The following CDH17 variants were observed in gnomAD, a reference collection of about 807,000 sequenced individuals.
The protein encoded by CDH17 is cadherin-17.
CDH17 carries 67 observed loss-of-function variants against 86.3 expected under a neutral mutation model. The observed-to-expected ratio is 0.78, with a 90% CI of 0.64 to 0.95. CDH17 has a LOEUF of 0.95. Among genes scored for constraint, CDH17 ranks in the 40% least tolerant of loss-of-function variants. CDH17 has a pLI of 0.00. For missense variants in CDH17, 993 were observed against 1,017.6 expected, an observed-to-expected ratio of 0.98 and a Z score of 0.33; for synonymous variants, 367 against 366.4, an observed-to-expected ratio of 1.00 and a Z score of -0.02.
intron 1 of CDH17, among the ~76,000 whole-genome samples, chr8:94,205,023 T>C (rs1207842227): frequency 6.6e-6 from 1 of 152,190 alleles, no homozygotes; most frequent in Non-Finnish European, 1.5e-5. Flanking sequence ...CAGAAGGATA[T>C]AAATAACTCC....
intron 15 of CDH17, among the ~76,000 whole-genome samples, chr8:94,138,005 AAATCCCTCTGAGTCCAGAAATAAGG>A (rs1432076578): frequency 6.6e-6 from 1 of 152,240 alleles, no homozygotes; most frequent in East Asian, 1.9e-4. Flanking sequence ...ATAGGCCTCA[AAATCCCTCTGAGTCCAGAAATAAGG>A]GTATGCATGA....
At position 94,175,154 on chromosome 8, in the gene CDH17, C is replaced by G. The variant is rs79773579; in HGVS notation, c.425-894G>C. On this transcript the variant is annotated intron_variant, in intron 5 of 17. Transcript: ENST00000027335. ...TCCCCCTAGAAAAATAGCTGTTAAG[C>G]CTTTACCAGGACACCACTGGATATA... is the stretch of plus-strand genomic sequence containing the variant. Among the ~76,000 whole-genome samples the G allele has an allele frequency of 2.2e-3, 328 of 152,262 alleles. 1 individual carries two copies. Among genetic ancestry groups the G allele is most frequent in the African/African-American group, 7.6e-3 (315 of 41,548 alleles).
At chr8:94,171,264 G>T (rs2130637413) in intron 7 of CDH17, among the ~76,000 whole-genome samples, 1 of 152,258 alleles carries the variant, frequency 6.6e-6, no homozygotes, top group South Asian at 2.1e-4. Flanking sequence ...TCTTTTGGAA[G>T]TCTGACTGTG....
chr8:94,190,018 C>A (rs1813656885), intron 2 of CDH17, among the ~76,000 whole-genome samples: 1 of 152,218 alleles, frequency 6.6e-6, no homozygotes, highest in South Asian at 2.1e-4. Flanking sequence ...ACACCCAAGT[C>A]AAGACTGGAG....
chr8:94,193,659 G>A (rs1288970470), intron 2 of CDH17, among the ~76,000 whole-genome samples: 4 of 152,176 alleles, frequency 2.6e-5, no homozygotes, highest in Admixed American at 2.6e-4. Context: ...GGTAGCATGA[G>A]GAGAGAGGTC....
At chr8:94,204,882 G>T (rs757520120) in intron 1 of CDH17, among the ~76,000 whole-genome samples, 3 of 152,174 alleles carry the variant, frequency 2.0e-5, no homozygotes, top group Non-Finnish European at 2.9e-5. Flanking sequence ...GCAGTCACAG[G>T]AAAGGGAGCC....
intron 12 of CDH17, among the ~76,000 whole-genome samples, chr8:94,158,839 G>C (rs556693740): frequency 6.8e-4 from 104 of 152,276 alleles, no homozygotes; most frequent in African/African-American, 2.5e-3. Flanking sequence ...TTCAGCACTA[G>C]TGCTTTTTTC....
At position 94,174,297 on chromosome 8, in the gene CDH17, A is replaced by AAAG; in HGVS notation, c.425-38_425-37insCTT. 2.6e-6 allele frequency: 4 copies of AAAG among 1,516,530 alleles called. No individual in the cohort carries two copies. In the African/African-American group the frequency reaches 4.3e-5, roughly 16 times the overall value. 93.9% of individuals were successfully genotyped at this position (1,516,530 alleles called of 1,614,324 possible). The stretch of plus-strand genomic sequence containing the variant: ...GACGTACCCAGAAAAAAAAAAAAAA[A>AAAG]GATATTAATTGAAACCCAAACCAAC... On this transcript the variant is annotated intron_variant, in intron 5 of 17. Coordinates refer to ENST00000027335, the MANE Select transcript of CDH17 (RefSeq NM_004063.4).
At chr8:94,204,127 C>G (rs1314526954) in intron 1 of CDH17, among the ~76,000 whole-genome samples, 1 of 152,038 alleles carries the variant, frequency 6.6e-6, no homozygotes, top group Non-Finnish European at 1.5e-5. Context: ...AAATGTTTGT[C>G]TCACTTTTTC....
chr8:94,161,951 G>A (rs1165102619), intron 11 of CDH17, 135 bp downstream of exon 11: 1 of 562,500 alleles, frequency 1.8e-6, no homozygotes, highest in Admixed American at 3.1e-5. Flanking sequence ...TGGCATCTGG[G>A]TTATTTGTGC....
chr8:94,216,814 A>T (rs756363966), intron 1 of CDH17, among the ~76,000 whole-genome samples: 5 of 152,148 alleles, frequency 3.3e-5, no homozygotes, highest in Non-Finnish European at 7.3e-5. Flanking sequence ...CAGTACAAAT[A>T]AGTTTTTAGT....
intron 3 of CDH17, among the ~76,000 whole-genome samples, chr8:94,187,586 A>T (rs1251368999): frequency 6.6e-6 from 1 of 151,880 alleles, no homozygotes; most frequent in Admixed American, 6.6e-5. Flanking sequence ...AGCCAGAGTG[A>T]CCTTTTCTCA....
At chr8:94,191,193 C>G (rs1813681542) in intron 2 of CDH17, among the ~76,000 whole-genome samples, 1 of 152,134 alleles carries the variant, frequency 6.6e-6, no homozygotes, top group African/African-American at 2.4e-5. Context: ...ATTGCCCTTT[C>G]CTGTGACTCT....
chr8:94,162,563 T>A (rs896103644), intron 10 of CDH17, among the ~76,000 whole-genome samples: 1 of 152,188 alleles, frequency 6.6e-6, no homozygotes, highest in Non-Finnish European at 1.5e-5. Flanking sequence ...AGCATCCCAG[T>A]GGCTGTCTCT....
At chr8:94,205,810 C>A (rs1814015829) in intron 1 of CDH17, among the ~76,000 whole-genome samples, 1 of 151,970 alleles carries the variant, frequency 6.6e-6, no homozygotes, top group African/African-American at 2.4e-5. Context: ...TAATGTGGGT[C>A]CTGTTGTTAT....
chr8:94,164,828 T>C (rs555981290), intron 10 of CDH17, among the ~76,000 whole-genome samples: 1 of 152,296 alleles, frequency 6.6e-6, no homozygotes, highest in South Asian at 2.1e-4. Context: ...GTATTTTGTG[T>C]GTCTGTGCAC....
intron 4 of CDH17, 83 bp from the exon 5 acceptor site, chr8:94,176,762 C>G (rs1813382818): frequency 7.2e-7 from 1 of 1,385,976 alleles, no homozygotes; most frequent in Non-Finnish European, 9.9e-7. Flanking sequence ...GAAATTAGAA[C>G]TCAAAGAACC....
At chr8:94,212,432 C>T (rs113472130), upstream of CDH17, among the ~76,000 whole-genome samples, 3 of 152,156 alleles carry the variant, frequency 2.0e-5, no homozygotes, top group East Asian at 1.9e-4. Context: ...TAAGGCACTG[C>T]GCCTGGCCTA....
chr8:94,186,845 A>G (rs537143350), intron 3 of CDH17, among the ~76,000 whole-genome samples: 2 of 152,314 alleles, frequency 1.3e-5, no homozygotes, highest in African/African-American at 4.8e-5. Flanking sequence ...GCAGCCTGCT[A>G]TAGGACGAAG....
Sources: gnomAD v4.1 joint callset for allele counts (sites outside exome capture counted in the v4.1 genomes callset) on GRCh38, gnomAD v4.1.1 for gene constraint, MANE v1.5 for transcripts, NCBI Gene and HGNC (gene_info 2026-07-23, HGNC 2026-07-21) for gene names.